TMEM236: variants seen among roughly 807,000 people sequenced by gnomAD.
TMEM236 encodes the protein transmembrane protein 236.
TMEM236 carries 11 observed loss-of-function variants against 14.7 expected under a neutral mutation model. The ratio of observed to expected loss-of-function variants is 0.75; its 90% CI spans 0.47 to 1.24. The LOEUF is 1.24. TMEM236 is among the 50% of genes most tolerant of loss of function. TMEM236 has a pLI of 0.00. For missense variants in TMEM236, 464 were observed against 427.3 expected, an observed-to-expected ratio of 1.09 and a Z score of -0.76; for synonymous variants, 182 against 168.6, an observed-to-expected ratio of 1.08 and a Z score of -0.62.
intron 2 of TMEM236, among the ~76,000 whole-genome samples, chr10:17,771,737 A>T (rs1483306952): frequency 1.3e-5 from 2 of 152,244 alleles, no homozygotes; most frequent in African/African-American, 4.8e-5. Context: ...ACAAGATCTA[A>T]GGGAAGGACC....
chr10:17,781,443 A>G (rs945232102), intron 3 of TMEM236, among the ~76,000 whole-genome samples: 3 of 152,068 alleles, frequency 2.0e-5, no homozygotes, highest in Non-Finnish European at 1.5e-5. Flanking sequence ...AGAGTGACTA[A>G]AAATTTGCAT....
rs868986642 is a variant in TMEM236, at chr10:17,781,514, G to T, written c.472+5344G>T. On this transcript the variant is annotated intron_variant, in intron 3 of 3. Coordinates refer to ENST00000377495, the MANE Select transcript of TMEM236 (RefSeq NM_001098844.3). ...GCACTTTGTGGGGCTGAGGTTGGGGGTGGGGGGGATCACCTGAGGTCAGGA... is the reference window on the plus strand; with the variant it reads ...GCACTTTGTGGGGCTGAGGTTGGGGTTGGGGGGGATCACCTGAGGTCAGGA... Among the ~76,000 whole-genome samples the T allele has an allele frequency of 1.5e-3, 227 of 152,130 alleles. 9 individuals are homozygous for T. In the South Asian group the frequency reaches 0.046, roughly 31 times the overall value.
chr10:17,760,501 T>G (rs1837346790), intron 1 of TMEM236, among the ~76,000 whole-genome samples: 1 of 152,202 alleles, frequency 6.6e-6, no homozygotes, highest in African/African-American at 2.4e-5. Flanking sequence ...TTGGTGTTTT[T>G]GATATGGAGA....
Position 17,796,406 on chromosome 10 carries a change from G to A in TMEM236, c.958G>A (p.Gly320Ser). The part of the protein sequence containing the change: ...IALGTITPVL[G>S]LCKNILVTLS... ...CCTGGGGACTATCACACCCGTACTG[G>A]GCCTGTGTAAAAATATCCTCGTGAC... The change falls in exon 4 of 4, where the codon GGC (glycine) becomes AGC (serine). Residue 320 changes from glycine (G) to serine (S), a missense_variant. Physicochemically the swap from Gly to Ser is moderately conservative, Grantham distance 56. Transcript: ENST00000377495. The A allele has an allele frequency of 6.2e-7, 1 of 1,613,618 alleles. No homozygotes were observed. The highest frequency in any genetic ancestry group is 2.2e-5 in the East Asian group (1 of 44,868).
intron 3 of TMEM236, among the ~76,000 whole-genome samples, chr10:17,794,872 C>A (rs1417382544): frequency 1.3e-5 from 2 of 152,004 alleles, no homozygotes; most frequent in Admixed American, 1.3e-4. Flanking sequence ...CCCGTCTCTA[C>A]TAAAAGTTAG....
At chr10:17,772,191 T>C (rs1173351062) in intron 2 of TMEM236, among the ~76,000 whole-genome samples, 2 of 152,150 alleles carry the variant, frequency 1.3e-5, no homozygotes, top group African/African-American at 4.8e-5. Context: ...AACAGGCAAT[T>C]AGAACAAGTA....
At chr10:17,775,636 A>G (rs2131752861) in intron 2 of TMEM236, among the ~76,000 whole-genome samples, 1 of 152,306 alleles carries the variant, frequency 6.6e-6, no homozygotes, top group South Asian at 2.1e-4. Flanking sequence ...TCTAGCCAGA[A>G]TTATCTGAGT....
chr10:17,776,248 A>T (rs1837657541), intron 3 of TMEM236, 78 bp downstream of exon 3: 1 of 1,359,348 alleles, frequency 7.4e-7, no homozygotes, highest in African/African-American at 1.4e-5. Flanking sequence ...TTATCTGACA[A>T]CATGTTTAAT....
chr10:17,778,226 G>A (rs1042797267), intron 3 of TMEM236, among the ~76,000 whole-genome samples: 2 of 152,160 alleles, frequency 1.3e-5, no homozygotes, highest in Non-Finnish European at 2.9e-5. Context: ...AGGAAGATTA[G>A]TGTCTGGTTT....
Position 17,796,620 on chromosome 10 carries a change from A to C in TMEM236, c.*116A>C. The C allele has an allele frequency of 1.1e-6, 1 of 906,602 alleles. No individual in the cohort carries two copies. The highest frequency in any genetic ancestry group is 2.5e-4 in the Middle Eastern group (1 of 3,974). The allele number at this position is 906,602 out of a possible 1,614,324, so 56.2% of individuals were successfully genotyped here. On this transcript the variant is annotated 3_prime_UTR_variant, in exon 4 of 4. Transcript: ENST00000377495. ...TATAAAGGAAATGACTAGATTGTAG[A>C]GAATAAGCCATTTTTACTAACTCTA...
intron 1 of TMEM236, among the ~76,000 whole-genome samples, chr10:17,764,257 A>T (rs1013419343): frequency 6.6e-6 from 1 of 152,180 alleles, no homozygotes; most frequent in Non-Finnish European, 1.5e-5. Context: ...TTGTAACCCA[A>T]TGTGGCTGAG....
At chr10:17,781,263 G>A (rs534202053) in intron 3 of TMEM236, among the ~76,000 whole-genome samples, 3 of 152,274 alleles carry the variant, frequency 2.0e-5, no homozygotes, top group South Asian at 2.1e-4. Context: ...AAGGACTCCC[G>A]TACCCTCATA....
chr10:17,770,265 A>G (rs1387864106), intron 1 of TMEM236, among the ~76,000 whole-genome samples: 2 of 152,240 alleles, frequency 1.3e-5, no homozygotes, highest in Non-Finnish European at 2.9e-5. Context: ...CATAATATAT[A>G]TTAACGAATC....
intron 2 of TMEM236, among the ~76,000 whole-genome samples, chr10:17,775,441 A>G (rs908646102): frequency 5.9e-5 from 9 of 152,104 alleles, no homozygotes; most frequent in Non-Finnish European, 1.3e-4. Flanking sequence ...CACCCAGCTA[A>G]TTTTTAAATT....
chr10:17,765,419 C>T (rs1287198805), intron 1 of TMEM236, among the ~76,000 whole-genome samples: 1 of 152,168 alleles, frequency 6.6e-6, no homozygotes, highest in Non-Finnish European at 1.5e-5. Context: ...ATCTCAACTA[C>T]ACATCATCAA....
intron 2 of TMEM236, 70 bp downstream of exon 2, chr10:17,771,451 T>TAGAGC: frequency 6.9e-7 from 1 of 1,453,128 alleles, no homozygotes; most frequent in Non-Finnish European, 9.7e-7. Context: ...TGGAATTTGA[T>TAGAGC]AGAGCAGCGT....
chr10:17,782,834 A>G (rs1837775286), intron 3 of TMEM236, among the ~76,000 whole-genome samples: 1 of 152,200 alleles, frequency 6.6e-6, no homozygotes, highest in Admixed American at 6.5e-5. Context: ...TAATATATCT[A>G]GCAGATCCCC....
chr10:17,776,224 T>A, intron 3 of TMEM236, 54 bp downstream of exon 3: 1 of 1,523,662 alleles, frequency 6.6e-7, no homozygotes, highest in Non-Finnish European at 9.1e-7. Context: ...ATTTTTCACA[T>A]TTCTGCCACT....
intron 3 of TMEM236, among the ~76,000 whole-genome samples, chr10:17,782,508 A>C (rs937449152): frequency 5.9e-5 from 9 of 152,026 alleles, no homozygotes; most frequent in Non-Finnish European, 1.3e-4. Flanking sequence ...GTTGGAGTGC[A>C]GTGGCATGAT....
Sources: gnomAD v4.1 joint callset for allele counts (sites outside exome capture counted in the v4.1 genomes callset) on GRCh38, gnomAD v4.1.1 for gene constraint, MANE v1.5 for transcripts, NCBI Gene and HGNC (gene_info 2026-07-23, HGNC 2026-07-21) for gene names.